The following EZR variants were observed in gnomAD, a reference collection of about 807,000 sequenced individuals.
EZR encodes the protein cytovillin 2.
A neutral mutation model predicts 74.8 loss-of-function variants in EZR; 40 were observed. The observed-to-expected ratio is 0.53, with a 90% CI of 0.42 to 0.70. EZR has a LOEUF of 0.70. EZR is among the 30% of genes least tolerant of loss of function. EZR has a pLI of 0.00. For missense variants in EZR, 678 were observed against 755.8 expected, an observed-to-expected ratio of 0.90 and a Z score of 1.21; for synonymous variants, 341 against 283.3, an observed-to-expected ratio of 1.20 and a Z score of -2.05.
At chr6:158,794,007 T>C (rs1327330506) in intron 2 of EZR, among the ~76,000 whole-genome samples, 2 of 152,210 alleles carry the variant, frequency 1.3e-5, no homozygotes, top group African/African-American at 4.8e-5. Context: ...CCACATGCAG[T>C]GGTTCACGCC....
rs1325243462 is a variant in EZR, at chr6:158,806,640, ATAT to A, written c.12+11439_12+11441del. ...TTCCTTAATACGTCAAGTTCAGTAA[ATAT>A]TATTCAATTTTCCTCCATTTCTTTG... On this transcript the variant is annotated intron_variant, in intron 2 of 13. Transcript: ENST00000367075. Among the ~76,000 whole-genome samples, 9 of 152,262 alleles carry A rather than the reference ATAT, an allele frequency of 5.9e-5. No individual in the cohort carries two copies. The South Asian group carries it at 1.9e-3, about 32-fold the overall frequency.
Position 158,767,416 on chromosome 6 carries a change from C to G in EZR, c.1441G>C (p.Val481Leu). Residue 481 changes from valine (V) to leucine (L), a missense_variant, in exon 13 of 14, where the codon GTG (valine) becomes CTG (leucine). This residue lies in a region of EZR where 342 missense variants were observed against 341.2 expected (regional missense o/e 1.00). Coordinates refer to ENST00000367075, the MANE Select transcript of EZR (RefSeq NM_001111077.2). ...AAGCTCTCCTGGACATGGTAGCTCA[C>G]CGGCTCGTACACGGGGGGTGGTGGG... ...PPPPPPVYEP[V>L]SYHVQESLQD... The G allele has an allele frequency of 6.2e-7, 1 of 1,613,870 alleles. No individual in the cohort carries two copies. Among genetic ancestry groups the G allele is most frequent in the Non-Finnish European group, 8.5e-7 (1 of 1,179,890 alleles).
At chr6:158,783,247 G>A (rs1239837989) in intron 7 of EZR, among the ~76,000 whole-genome samples, 1 of 36,142 alleles carries the variant, frequency 2.8e-5, no homozygotes, top group South Asian at 8.6e-4. Context: ...CAGAGGCAGC[G>A]GGGAGGAGAG....
chr6:158,817,136 G>C (rs1293722262), intron 2 of EZR, among the ~76,000 whole-genome samples: 1 of 151,706 alleles, frequency 6.6e-6, no homozygotes, highest in Non-Finnish European at 1.5e-5. Flanking sequence ...CAACTTGTTT[G>C]AAAAACCAAA....
rs969851175 is a variant in EZR, at chr6:158,770,687, G to A, written c.1090+77C>T. On this transcript the variant is annotated intron_variant, in intron 10 of 13. Coordinates refer to ENST00000367075, the MANE Select transcript of EZR (RefSeq NM_001111077.2). ...GTTCTTGGTTTCCTTCCTGGTGAGT[G>A]GGTGGGTGGGTGTGGCCCCTGCTAC... 2.6e-6 allele frequency: 4 copies of A among 1,509,708 alleles called. No homozygotes were observed. In the African/African-American group the frequency reaches 4.1e-5, roughly 16 times the overall value. The allele number at this position is 1,509,708 out of a possible 1,614,324, so 93.5% of individuals were successfully genotyped here.
chr6:158,795,771 C>T (rs1047761321), intron 2 of EZR, among the ~76,000 whole-genome samples: 1 of 152,156 alleles, frequency 6.6e-6, no homozygotes. Flanking sequence ...TTTTCAAACA[C>T]CCGCAGCCCA....
chr6:158,798,792 C>T (rs1777129939), intron 2 of EZR, among the ~76,000 whole-genome samples: 1 of 152,008 alleles, frequency 6.6e-6, no homozygotes, highest in Non-Finnish European at 1.5e-5. Flanking sequence ...CCACAGCCGG[C>T]TAATTTTTCT....
Position 158,785,534 on chromosome 6 carries a change from C to T in EZR, c.242G>A (p.Arg81Gln), listed in dbSNP as rs997662833. ...RKENPLQFKF[R>Q]AKFYPEDVAE... ...CACATCTTCAGGGTAGAACTTGGCC[C>T]GGAACTTGAACTGGAGGGGATTCTC... is the stretch of plus-strand genomic sequence containing the variant. The change falls in exon 5 of 14, where the codon CGG becomes CAG. Residue 81 changes from arginine (R) to glutamine (Q), a missense_variant. Physicochemically the swap from Arg to Gln is conservative, Grantham distance 43 (BLOSUM62 1). Coordinates refer to ENST00000367075, the MANE Select transcript of EZR (RefSeq NM_001111077.2). 1.9e-6 allele frequency: 3 copies of T among 1,614,082 alleles called. No homozygotes were observed. Among genetic ancestry groups the T allele is most frequent in the Non-Finnish European group, 2.5e-6 (3 of 1,180,022 alleles).
intron 7 of EZR, among the ~76,000 whole-genome samples, chr6:158,779,567 T>C (rs998770928): frequency 2.0e-5 from 3 of 152,134 alleles, no homozygotes; most frequent in Non-Finnish European, 4.4e-5. Context: ...TGAAATAATA[T>C]ATATATTTTA....
intron 2 of EZR, among the ~76,000 whole-genome samples, chr6:158,801,091 C>T (rs547730329): frequency 1.3e-5 from 2 of 152,140 alleles, no homozygotes; most frequent in Admixed American, 6.5e-5. Context: ...GCCATGCTTG[C>T]GCCACCACAC....
intron 2 of EZR, among the ~76,000 whole-genome samples, chr6:158,810,359 A>G (rs571774522): frequency 6.6e-6 from 1 of 152,154 alleles, no homozygotes; most frequent in Non-Finnish European, 1.5e-5. Flanking sequence ...TACCCAAAGG[A>G]TCTTACCAGC....
chr6:158,789,467 G>T (rs113860686), intron 2 of EZR, 96 bp from the exon 3 acceptor site: 1 of 1,067,728 alleles, frequency 9.4e-7, no homozygotes. Context: ...TCAGTGTGGC[G>T]ACGGCATATG....
chr6:158,799,467 CCTTA>C (rs1202517350), intron 2 of EZR, among the ~76,000 whole-genome samples: 3 of 152,226 alleles, frequency 2.0e-5, no homozygotes, highest in Non-Finnish European at 2.9e-5. Context: ...ATAAAAACAT[CCTTA>C]CTAAGTCTCC....
intron 2 of EZR, among the ~76,000 whole-genome samples, chr6:158,802,704 G>C (rs1463873078): frequency 6.9e-6 from 1 of 145,244 alleles, no homozygotes; most frequent in Non-Finnish European, 1.5e-5. Flanking sequence ...GCTAATTTTT[G>C]TATTTTTAGT....
chr6:158,818,392 C>T (rs1478346746), intron 1 of EZR, among the ~76,000 whole-genome samples: 1 of 150,374 alleles, frequency 6.7e-6, no homozygotes, highest in Non-Finnish European at 1.5e-5. Context: ...GGCGCGCGCC[C>T]AAGGGGCAGC....
rs2128563228 is a variant in EZR, at chr6:158,766,912, T to C, written c.*2A>G. On this transcript the variant is annotated 3_prime_UTR_variant, in exon 14 of 14. Coordinates refer to ENST00000367075, the MANE Select transcript of EZR (RefSeq NM_001111077.2). ...CCTCTGCCCTTGGTCCTGGCCTGGCTGTTACAGGGCCTCGAACTCGTCGAT... is the reference window on the plus strand; with the variant it reads ...CCTCTGCCCTTGGTCCTGGCCTGGCCGTTACAGGGCCTCGAACTCGTCGAT... The C allele has an allele frequency of 6.2e-7, 1 of 1,613,968 alleles. No homozygotes were observed. The highest frequency in any genetic ancestry group is 8.5e-7 in the Non-Finnish European group (1 of 1,179,910).
At chr6:158,784,571 C>T (rs1380144107) in intron 6 of EZR, 73 bp downstream of exon 6, 3 of 1,350,406 alleles carry the variant, frequency 2.2e-6, no homozygotes, top group African/African-American at 2.8e-5. Flanking sequence ...AAAGCACTAA[C>T]TAGAGTCACA....
rs781483399 is a variant in EZR, at chr6:158,785,594, C to T, written c.193-11G>A. 1.9e-6 allele frequency: 3 copies of T among 1,610,396 alleles called. No homozygotes were observed. Among genetic ancestry groups the T allele is most frequent in the Non-Finnish European group, 2.5e-6 (3 of 1,177,994 alleles). ...CTCCTGGGCAGACACCTGCACGAAACAAGCCACACTCTCCACACAAATCCG... is the reference window on the plus strand; with the variant it reads ...CTCCTGGGCAGACACCTGCACGAAATAAGCCACACTCTCCACACAAATCCG... On this transcript the variant is annotated splice_polypyrimidine_tract_variant and intron_variant, in intron 4 of 13. Transcript: ENST00000367075.
At chr6:158,785,711 G>T in intron 4 of EZR, 128 bp from the exon 5 acceptor site, 2 of 1,239,692 alleles carry the variant, frequency 1.6e-6, no homozygotes, top group Non-Finnish European at 2.2e-6. Flanking sequence ...TATTCTTAAA[G>T]TCATCTTTTT....
Sources: allele counts gnomAD v4.1 joint callset (sites outside exome capture counted in the v4.1 genomes callset), GRCh38; gene constraint gnomAD v4.1.1; regional missense constraint gnomAD v4.1.1; transcripts MANE v1.5; gene names NCBI Gene and HGNC (gene_info 2026-07-23, HGNC 2026-07-21).